Variants in SLC35A1 observed in about 807,000 individuals in gnomAD.
SLC35A1 encodes solute carrier family 35 member A1, also known as CMP-sialic acid transporter.
Under a neutral mutation model 40.3 loss-of-function variants are expected in SLC35A1, and 21 were observed. That is an observed-to-expected ratio of 0.52 (90% confidence interval 0.37 to 0.75). SLC35A1 has a LOEUF of 0.75. Among genes scored for constraint, SLC35A1 ranks in the 30% least tolerant of loss-of-function variants. SLC35A1 has a pLI of 0.00. For missense variants in SLC35A1, 297 were observed against 382.1 expected (o/e 0.78, Z 1.86); for synonymous variants, 146 against 147.3 (o/e 0.99, Z 0.06).
At chr6:87,482,162 C>T (rs997160318) in intron 2 of SLC35A1, among the ~76,000 whole-genome samples, 2 of 152,082 alleles carry the variant, frequency 1.3e-5, no homozygotes, top group South Asian at 2.1e-4. Flanking sequence ...CTGTAAACAT[C>T]GCTTTCTTTA....
chr6:87,506,510 A>G, intron 5 of SLC35A1, 62 bp downstream of exon 5: 1 of 1,258,732 alleles, frequency 7.9e-7, no homozygotes, highest in South Asian at 1.2e-5. Context: ...CAAACTTTAG[A>G]CACCAGTCTA....
intron 4 of SLC35A1, among the ~76,000 whole-genome samples, chr6:87,502,695 CTG>C (rs1769956556): frequency 1.3e-5 from 2 of 152,184 alleles, no homozygotes; most frequent in Non-Finnish European, 2.9e-5. Context: ...TGGTACATGA[CTG>C]TTAATTTCTG....
At chr6:87,493,617 G>A (rs1769625898) in intron 2 of SLC35A1, among the ~76,000 whole-genome samples, 1 of 152,046 alleles carries the variant, frequency 6.6e-6, no homozygotes, top group African/African-American at 2.4e-5. Flanking sequence ...TGCTCAAGAT[G>A]TTTACTTATT....
At chr6:87,498,177 G>C (rs1769799623) in intron 2 of SLC35A1, among the ~76,000 whole-genome samples, 1 of 152,166 alleles carries the variant, frequency 6.6e-6, no homozygotes, top group African/African-American at 2.4e-5. Context: ...GGAGAAGGTG[G>C]AGTGTGAAGC....
intron 4 of SLC35A1, among the ~76,000 whole-genome samples, chr6:87,501,516 AAT>A (rs1455513540): frequency 6.6e-6 from 1 of 152,200 alleles, no homozygotes; most frequent in Admixed American, 6.5e-5. Context: ...ATATGCATAA[AAT>A]ATGTTACAGA....
At chr6:87,473,755 G>A (rs375358590) in intron 1 of SLC35A1, among the ~76,000 whole-genome samples, 3 of 152,348 alleles carry the variant, frequency 2.0e-5, no homozygotes, top group African/African-American at 7.2e-5. Flanking sequence ...TTGCTGAGCA[G>A]TGTGTGTAAG....
intron 2 of SLC35A1, among the ~76,000 whole-genome samples, chr6:87,498,031 CTATAA>C (rs532183565): frequency 9.2e-5 from 14 of 151,828 alleles, no homozygotes; most frequent in Non-Finnish European, 1.8e-4. Context: ...CCCACCAAGG[CTATAA>C]TATATTTAAC....
rs1448169041 is a variant in SLC35A1 at position 87,511,571 on chromosome 6, T to G, written c.*45T>G. 6.2e-7 allele frequency: 1 copy of G among 1,601,648 alleles called. No homozygotes were observed. Among genetic ancestry groups the G allele is most frequent in the Admixed American group, 1.7e-5 (1 of 59,988 alleles). On this transcript the variant is annotated 3_prime_UTR_variant, in exon 8 of 8. Transcript: ENST00000369552. ...TCCTTTTAAGACTAAACCATTTGCA[T>G]TAAACTAGAGCCTTAAGTCAATCTC... is the stretch of plus-strand genomic sequence containing the variant.
At chr6:87,500,153 T>G (rs932401319) in intron 2 of SLC35A1, among the ~76,000 whole-genome samples, 1 of 152,122 alleles carries the variant, frequency 6.6e-6, no homozygotes, top group Non-Finnish European at 1.5e-5. Context: ...AATTAAAAAG[T>G]AATCAGGGTG....
chr6:87,507,943 G>A (rs13205357), intron 5 of SLC35A1, among the ~76,000 whole-genome samples: 5,550 of 152,152 alleles, frequency 0.036, 123 homozygotes, highest in Middle Eastern at 0.054. Context: ...TTCTACTTCA[G>A]TTTTGGTTGT....
At chr6:87,510,855 A>G (rs1178643475) in intron 7 of SLC35A1, among the ~76,000 whole-genome samples, 1 of 151,544 alleles carries the variant, frequency 6.6e-6, no homozygotes, top group Non-Finnish European at 1.5e-5. Flanking sequence ...TGGGCAACAA[A>G]AGCGAAACTC....
At chr6:87,484,075 G>A (rs1415346758) in intron 2 of SLC35A1, among the ~76,000 whole-genome samples, 2 of 152,154 alleles carry the variant, frequency 1.3e-5, no homozygotes, top group Non-Finnish European at 1.5e-5. Flanking sequence ...GGCTCCCGTG[G>A]TTTCTTCTTC....
intron 2 of SLC35A1, among the ~76,000 whole-genome samples, chr6:87,491,921 T>G (rs1005850901): frequency 6.6e-6 from 1 of 152,228 alleles, no homozygotes; most frequent in Admixed American, 6.5e-5. Flanking sequence ...CATTTGTGGA[T>G]TAGGGCTTCA....
At chr6:87,499,410 T>C (rs945375858) in intron 2 of SLC35A1, among the ~76,000 whole-genome samples, 1 of 152,218 alleles carries the variant, frequency 6.6e-6, no homozygotes, top group Admixed American at 6.5e-5. Context: ...AAAGCACTTC[T>C]TTTGGGGTAT....
At chr6:87,506,515 A>G in intron 5 of SLC35A1, 67 bp downstream of exon 5, 1 of 1,210,240 alleles carries the variant, frequency 8.3e-7, no homozygotes, top group Non-Finnish European at 1.2e-6. Context: ...TTTAGACACC[A>G]GTCTAGTTTA....
At position 87,509,051 on chromosome 6, in the gene SLC35A1, T is replaced by C. The variant is rs1295978820; in HGVS notation, c.762T>C (p.Ser254=). ...CTCTCTGTATACAAGTTCTTGCAAGTGTTGGTGGCCTCTACACTTCTGTTG... is the reference window on the plus strand; with the variant it reads ...CTCTCTGTATACAAGTTCTTGCAAGCGTTGGTGGCCTCTACACTTCTGTTG... ...YYVWFVIFLA[S]VGGLYTSVVV... The change falls in exon 7 of 8, where the codon AGT becomes AGC. Residue 254 remains serine, a synonymous_variant. Coordinates refer to ENST00000369552, the MANE Select transcript of SLC35A1 (RefSeq NM_006416.5). The C allele has an allele frequency of 6.2e-7, 1 of 1,613,990 alleles. No individual in the cohort carries two copies. Among genetic ancestry groups the C allele is most frequent in the Non-Finnish European group, 8.5e-7 (1 of 1,179,888 alleles).
intron 2 of SLC35A1, among the ~76,000 whole-genome samples, chr6:87,498,773 A>C (rs1562024116): frequency 6.6e-6 from 1 of 152,202 alleles, no homozygotes; most frequent in Non-Finnish European, 1.5e-5. Context: ...CCGTCTCAAA[A>C]AAAACAAAAC....
At chr6:87,502,999 C>T (rs888318879) in intron 4 of SLC35A1, among the ~76,000 whole-genome samples, 7 of 152,090 alleles carry the variant, frequency 4.6e-5, no homozygotes, top group African/African-American at 1.7e-4. Flanking sequence ...ATTGCTCAGC[C>T]CCTTGAGTTA....
intron 2 of SLC35A1, among the ~76,000 whole-genome samples, chr6:87,500,206 A>G (rs1419579628): frequency 6.6e-6 from 1 of 152,224 alleles, no homozygotes; most frequent in Non-Finnish European, 1.5e-5. Flanking sequence ...GAATTTTTTT[A>G]TAGGTAATAT....
Sources: allele counts gnomAD v4.1 joint callset (sites outside exome capture counted in the v4.1 genomes callset), GRCh38; gene constraint gnomAD v4.1.1; transcripts MANE v1.5; gene names NCBI Gene and HGNC (gene_info 2026-07-23, HGNC 2026-07-21).